RASGRP3: variants seen among roughly 807,000 people sequenced by gnomAD.
RASGRP3 encodes the protein ras guanyl-releasing protein 3.
In RASGRP3, 54 loss-of-function variants were observed where a neutral mutation model predicts 82.7. The observed-to-expected ratio is 0.65, with a 90% CI of 0.52 to 0.82. The LOEUF (loss-of-function observed/expected upper bound fraction) is 0.82. Among genes scored for constraint, RASGRP3 ranks in the 40% least tolerant of loss-of-function variants. The pLI, the probability that RASGRP3 is intolerant of heterozygous loss-of-function variation, is 0.00. For synonymous variants in RASGRP3, 309 were observed against 300.5 expected (o/e 1.03, Z -0.29); for missense variants, 861 against 828.9 (o/e 1.04, Z -0.48).
At chr2:33,533,107 G>A (rs1349390602) in intron 10 of RASGRP3, 1 of 152,196 alleles carries the variant, frequency 6.6e-6, no homozygotes, top group African/African-American at 2.4e-5. Flanking sequence ...TTATGTTCAT[G>A]GCCAGGGAAG....
intron 2 of RASGRP3, among the ~76,000 whole-genome samples, chr2:33,451,783 TATC>T (rs1558396559): frequency 6.6e-6 from 1 of 152,130 alleles, no homozygotes; most frequent in Non-Finnish European, 1.5e-5. Flanking sequence ...GGAAGTTTCT[TATC>T]ATTATTTCTT....
intron 9 of RASGRP3, among the ~76,000 whole-genome samples, chr2:33,524,808 G>A (rs905986927): frequency 6.6e-5 from 10 of 152,044 alleles, no homozygotes; most frequent in African/African-American, 9.7e-5. Flanking sequence ...GGCCGGGCAC[G>A]GTGGCTCACA....
intron 1 of RASGRP3, among the ~76,000 whole-genome samples, chr2:33,487,712 C>A (rs1668516085): frequency 1.3e-5 from 2 of 152,114 alleles, no homozygotes; most frequent in South Asian, 4.1e-4. Flanking sequence ...AAGTTTGAAG[C>A]CAGTTTGGGC....
intron 4 of RASGRP3, among the ~76,000 whole-genome samples, chr2:33,518,429 C>T (rs921128234): frequency 3.9e-5 from 6 of 152,140 alleles, no homozygotes; most frequent in African/African-American, 1.4e-4. Context: ...CAGGGTGAGT[C>T]AGTGAGTGAG....
intron 1 of RASGRP3, among the ~76,000 whole-genome samples, chr2:33,491,051 C>T (rs1007079142): frequency 1.3e-5 from 2 of 152,182 alleles, no homozygotes; most frequent in East Asian, 3.8e-4. Context: ...CACGGTGGTT[C>T]ATGCCTGTAA....
At chr2:33,546,603 T>C (rs1444060014) in intron 13 of RASGRP3, among the ~76,000 whole-genome samples, 1 of 152,168 alleles carries the variant, frequency 6.6e-6, no homozygotes, top group African/African-American at 2.4e-5. Flanking sequence ...TTACTGGGTA[T>C]ATACCCAGAG....
chr2:33,521,936 A>G lies in RASGRP3; in HGVS notation c.369-19A>G, dbSNP rs1475258118. ...AATGGGCTTTCAACACATTGACCGG[A>G]CTCACTCTTCTTTTATAGTCCTTCC... On this transcript the variant is annotated intron_variant, in intron 6 of 17. Coordinates refer to ENST00000403687, the MANE Select transcript of RASGRP3 (RefSeq NM_001139488.2). 1 of 1,599,494 alleles carries G rather than the reference A, an allele frequency of 6.3e-7. No homozygotes were observed. The highest frequency in any genetic ancestry group is 2.2e-5 in the East Asian group (1 of 44,810).
intron 1 of RASGRP3, among the ~76,000 whole-genome samples, chr2:33,492,473 C>A (rs1668938386): frequency 6.6e-6 from 1 of 152,128 alleles, no homozygotes; most frequent in Non-Finnish European, 1.5e-5. Flanking sequence ...CCCCCAGCAT[C>A]CATATGTTGA....
intron 1 of RASGRP3, among the ~76,000 whole-genome samples, chr2:33,504,856 C>T (rs959707114): frequency 1.3e-5 from 2 of 152,160 alleles, no homozygotes; most frequent in African/African-American, 4.8e-5. Context: ...TTAAAAATGC[C>T]TTCCTGTTCC....
intron 1 of RASGRP3, chr2:33,482,608 C>A (rs569555377): frequency 6.6e-6 from 1 of 152,328 alleles, no homozygotes; most frequent in East Asian, 1.9e-4. Context: ...TCATTTCCCT[C>A]TGCACGATTA....
rs185417305 is a variant in RASGRP3 at position 33,488,492 on chromosome 2, C to T, written c.-261+11785C>T. ...GCTCAATGGGACCAAGTAGCTGGGC[C>T]GTAGGAAAGGAGGTAAAATGCTCTC... is the stretch of plus-strand genomic sequence containing the variant. On this transcript the variant is annotated intron_variant, in intron 1 of 17. Coordinates refer to ENST00000403687, the MANE Select transcript of RASGRP3 (RefSeq NM_001139488.2). 9.2e-5 allele frequency among the ~76,000 whole-genome samples: 14 copies of T among 152,112 alleles called. No homozygotes were observed. In the East Asian group the frequency reaches 1.5e-3, roughly 17 times the overall value.
chr2:33,538,126 T>C (rs1294470949), intron 11 of RASGRP3, among the ~76,000 whole-genome samples: 2 of 152,330 alleles, frequency 1.3e-5, no homozygotes, highest in South Asian at 2.1e-4. Context: ...TGGATTGTTA[T>C]ATAAAAGTTT....
At chr2:33,544,916 A>C (rs1186793384) in intron 13 of RASGRP3, among the ~76,000 whole-genome samples, 1 of 152,204 alleles carries the variant, frequency 6.6e-6, no homozygotes, top group Non-Finnish European at 1.5e-5. Context: ...CATAACTTAA[A>C]ATCTTAAATT....
At chr2:33,490,445 A>G (rs1419952810) in intron 1 of RASGRP3, among the ~76,000 whole-genome samples, 1 of 152,238 alleles carries the variant, frequency 6.6e-6, no homozygotes, top group African/African-American at 2.4e-5. Context: ...GTTAAATTCT[A>G]AAAAAGCAGA....
intron 2 of RASGRP3, among the ~76,000 whole-genome samples, chr2:33,461,066 A>T (rs1198725694): frequency 6.6e-6 from 1 of 152,178 alleles, no homozygotes; most frequent in Non-Finnish European, 1.5e-5. Context: ...AAGAAGATTT[A>T]TTGAGCTTTA....
At chr2:33,548,910 A>T (rs371458961) in intron 13 of RASGRP3, among the ~76,000 whole-genome samples, 106 of 152,178 alleles carry the variant, frequency 7.0e-4, no homozygotes, top group Middle Eastern at 3.4e-3. Context: ...GCTGGTCTTG[A>T]ACTCCTGACC....
chr2:33,457,853 A>C (rs1172108493), intron 2 of RASGRP3, among the ~76,000 whole-genome samples: 1 of 152,200 alleles, frequency 6.6e-6, no homozygotes, highest in Non-Finnish European at 1.5e-5. Flanking sequence ...AAAAAGTTTT[A>C]AAGTATATTT....
At chr2:33,498,865 C>G (rs1199673932) in intron 1 of RASGRP3, among the ~76,000 whole-genome samples, 1 of 151,882 alleles carries the variant, frequency 6.6e-6, no homozygotes, top group East Asian at 1.9e-4. Flanking sequence ...CAATCTGTGC[C>G]TGACATATGC....
chr2:33,466,772 C>T lies in RASGRP3; in HGVS notation c.-261+18829C>T, dbSNP rs566709959. On this transcript the variant is annotated intron_variant, in intron 2 of 18. Coordinates refer to the RASGRP3 transcript ENST00000402538. Reference sequence around the variant, plus strand: ...TGCACACTTAACAGACTACAGTATACTATAAACATAAGTTAAAAAATTTTC... The same window carrying T: ...TGCACACTTAACAGACTACAGTATATTATAAACATAAGTTAAAAAATTTTC... 1.8e-3 allele frequency among the ~76,000 whole-genome samples: 269 copies of T among 151,930 alleles called. 1 individual carries two copies. The highest frequency in any genetic ancestry group is 6.3e-3 in the African/African-American group (260 of 41,444).
Sources: gnomAD v4.1 joint callset for allele counts (sites outside exome capture counted in the v4.1 genomes callset) on GRCh38, gnomAD v4.1.1 for gene constraint, MANE v1.5 for transcripts, NCBI Gene and HGNC (gene_info 2026-07-23, HGNC 2026-07-21) for gene names.